Variants in ZNF891 observed in about 807,000 individuals in gnomAD.
ZNF891 encodes zinc finger protein 891.
For synonymous variants in ZNF891, 199 were observed against 209.0 expected (o/e 0.95, Z 0.41); for missense variants, 589 against 632.7 (o/e 0.93, Z 0.74).
In ZNF891 at chr12:133,117,477, A is replaced by G. The variant is rs970026841; in HGVS notation, c.*2807T>C. On this transcript the variant is annotated 3_prime_UTR_variant, in exon 2 of 2. Coordinates refer to ENST00000537226, the MANE Select transcript of ZNF891 (RefSeq NM_001277291.2). ...GTAAATAAATAAACAAGTAATTTAAACCAACCCACCCATTTTTCTACTCCT... is the reference window on the plus strand; with the variant it reads ...GTAAATAAATAAACAAGTAATTTAAGCCAACCCACCCATTTTTCTACTCCT... 6.6e-6 allele frequency: 1 copy of G among 152,204 alleles called. No homozygotes were observed. Among genetic ancestry groups the G allele is most frequent in the African/African-American group, 2.4e-5 (1 of 41,448 alleles). The allele number at this position is 152,204 out of a possible 1,614,324, so 9.4% of individuals were successfully genotyped here. A position where few individuals can be genotyped will look rare whatever the true frequency, so the allele number is the denominator to read the frequency against.
rs1195422382 is a variant in ZNF891, at chr12:133,120,293, TTCTC to T, written c.1622_1625del (p.Arg541LysfsTer34). 5.9e-6 allele frequency: 9 copies of T among 1,532,586 alleles called. No homozygotes were observed. The highest frequency in any genetic ancestry group is 1.4e-5 in the African/African-American group (1 of 72,732). 94.9% of individuals were successfully genotyped at this position (1,532,586 alleles called of 1,614,324 possible). ...TCCACATTCATAACACTTACAGGGTTTCTCTCTCAGTATGAATTCTCTTGTGTAT... is the reference window on the plus strand; with the variant it reads ...TCCACATTCATAACACTTACAGGGTTTCTCAGTATGAATTCTCTTGTGTAT... On this transcript the variant is annotated frameshift_variant, in exon 2 of 2. Coordinates refer to ENST00000537226, the MANE Select transcript of ZNF891 (RefSeq NM_001277291.2). LOFTEE classifies it high-confidence loss of function.
At chr12:133,126,235 C>A (rs935724472) in intron 1 of ZNF891, among the ~76,000 whole-genome samples, 5 of 151,900 alleles carry the variant, frequency 3.3e-5, no homozygotes, top group African/African-American at 1.2e-4. Context: ...TGCCTGAAAT[C>A]CCAGTACTGA....
Position 133,120,464 on chromosome 12 carries a change from C to CA in ZNF891, c.1454_1455insT (p.Glu485AspfsTer5). On this transcript the variant is annotated frameshift_variant, in exon 2 of 2. Transcript: ENST00000537226. LOFTEE classifies it low-confidence loss of function (END_TRUNC). ...TACATTCCTTACATTCATAGGGTTT[C>CA]TCTCCAGTGTGAGTTCTTATATGCA... The CA allele has an allele frequency of 6.2e-7, 1 of 1,604,610 alleles. No individual in the cohort carries two copies. The highest frequency in any genetic ancestry group is 8.5e-7 in the Non-Finnish European group (1 of 1,175,960).
chr12:133,121,624 C>T lies in ZNF891; in HGVS notation c.295G>A (p.Glu99Lys). 9 of 1,536,436 alleles carry T rather than the reference C, an allele frequency of 5.9e-6. No homozygotes were observed. Among genetic ancestry groups the T allele is most frequent in the Non-Finnish European group, 7.8e-6 (9 of 1,146,976 alleles). The change falls in exon 2 of 2, where the codon GAG becomes AAG. Residue 99 changes from glutamate (E) to lysine (K), a missense_variant. Glu to Lys is a moderately conservative substitution (Grantham distance 56, BLOSUM62 1). Transcript: ENST00000537226. Reference sequence around the variant, plus strand: ...ATTCTCTTTTTCATATTCCTTATCTCTTCTTGATCCAATGGGGAGATCACA... The same window carrying T: ...ATTCTCTTTTTCATATTCCTTATCTTTTCTTGATCCAATGGGGAGATCACA... ...LTVISPLDQE[E>K]IRNMKKRIPQ...
Position 133,112,549 on chromosome 12 carries a change from G to A in ZNF891, c.*7735C>T, listed in dbSNP as rs1955689511. 1 of 152,362 alleles carries A rather than the reference G, an allele frequency of 6.6e-6. No homozygotes were observed. Among genetic ancestry groups the A allele is most frequent in the Non-Finnish European group, 1.5e-5 (1 of 68,178 alleles). The allele number at this position is 152,362 out of a possible 1,614,324, so 9.4% of individuals were successfully genotyped here. On this transcript the variant is annotated 3_prime_UTR_variant, in exon 2 of 2. Coordinates refer to ENST00000537226, the MANE Select transcript of ZNF891 (RefSeq NM_001277291.2). ...TTGCCCAGGCTGGTCTTGAACTCTT[G>A]AGCTCAGGCAATCCACCCACCTCTG...
intron 1 of ZNF891, among the ~76,000 whole-genome samples, chr12:133,124,202 A>G (rs1167329071): frequency 6.6e-6 from 1 of 152,260 alleles, no homozygotes; most frequent in Non-Finnish European, 1.5e-5. Flanking sequence ...CATTTAGTAC[A>G]TAACAAAGAT....
In ZNF891 at chr12:133,123,992, T is replaced by G. The variant is rs1955790797; in HGVS notation, c.-106-1968A>C. On this transcript the variant is annotated intron_variant, in intron 1 of 1. Coordinates refer to ENST00000537226, the MANE Select transcript of ZNF891 (RefSeq NM_001277291.2). ...GATTTTGATTAATCTATGTATTTAA[T>G]AGGGATTTCCTGAAATGTAGCTTTT... 2.6e-5 allele frequency among the ~76,000 whole-genome samples: 4 copies of G among 152,192 alleles called. No individual in the cohort carries two copies. In the South Asian group the frequency reaches 8.3e-4, roughly 32 times the overall value.
Position 133,117,853 on chromosome 12 carries a change from C to T in ZNF891, c.*2431G>A, listed in dbSNP as rs1187559731. The T allele has an allele frequency of 1.3e-5, 2 of 152,036 alleles. No homozygotes were observed. Among genetic ancestry groups the T allele is most frequent in the African/African-American group, 4.8e-5 (2 of 41,380 alleles). 9.4% of individuals were successfully genotyped at this position (152,036 alleles called of 1,614,324 possible). ...ACTATGTTATTTCCAACTACAATCA[C>T]AAATGATCTTCACTTGGCTGTATAT... On this transcript the variant is annotated 3_prime_UTR_variant, in exon 2 of 2. Coordinates refer to ENST00000537226, the MANE Select transcript of ZNF891 (RefSeq NM_001277291.2).
Position 133,121,104 on chromosome 12 carries a change from T to C in ZNF891, c.815A>G (p.His272Arg), listed in dbSNP as rs779601530. 105 of 1,535,428 alleles carry C rather than the reference T, an allele frequency of 6.8e-5. No homozygotes were observed. The highest frequency in any genetic ancestry group is 9.1e-5 in the Non-Finnish European group (104 of 1,146,820). The change falls in exon 2 of 2, where the codon CAT (histidine) becomes CGT (arginine). Residue 272 changes from histidine (H) to arginine (R), a missense_variant. His to Arg is a conservative substitution (Grantham distance 29, BLOSUM62 0). Coordinates refer to ENST00000537226, the MANE Select transcript of ZNF891 (RefSeq NM_001277291.2). ...CATATTATGTGTGAAGTGCATTCCA[T>C]GTTTAGAATATGTGTACTCTTTTTG... ...TVQKEYTYSKHGMHFTHNMFP... is the reference protein window; with the variant it reads ...TVQKEYTYSKRGMHFTHNMFP...
In ZNF891 at chr12:133,121,487, T is replaced by TTTG; in HGVS notation, c.431_432insCAA (p.Thr144_Met145insLys). 1 of 1,536,202 alleles carries TTTG rather than the reference T, an allele frequency of 6.5e-7. No homozygotes were observed. The highest frequency in any genetic ancestry group is 2.4e-5 in the East Asian group (1 of 40,906). On this transcript the variant is annotated inframe_insertion, in exon 2 of 2. Transcript: ENST00000537226. ...TTAATGTGGAGGACCAATTATGCAT[T>TTTG]GTGAGTTTTATCATTTTCACTGCAT... is the stretch of plus-strand genomic sequence containing the variant.
At chr12:133,129,401 TGA>T (rs1261310140) in intron 1 of ZNF891, among the ~76,000 whole-genome samples, 1 of 150,260 alleles carries the variant, frequency 6.7e-6, no homozygotes. Flanking sequence ...CTCACAAGAC[TGA>T]GGCAGAAGAA....
rs1034921771 is a variant in ZNF891, at chr12:133,105,229, G to A, written c.*15055C>T. On this transcript the variant is annotated 3_prime_UTR_variant, in exon 2 of 2. Coordinates refer to ENST00000537226, the MANE Select transcript of ZNF891 (RefSeq NM_001277291.2). ...ATACCGTTTAAATGGTGGTGAAGAA[G>A]ACTAGCAACCTATCCTTCACAAATA... Among the ~76,000 whole-genome samples, 1 of 152,134 alleles carries A rather than the reference G, an allele frequency of 6.6e-6. No homozygotes were observed. Among genetic ancestry groups the A allele is most frequent in the Admixed American group, 6.5e-5 (1 of 15,272 alleles).
In ZNF891 at chr12:133,105,938, G is replaced by T; in HGVS notation, c.*14346C>A. 1 of 1,614,098 alleles carries T rather than the reference G, an allele frequency of 6.2e-7. No homozygotes were observed. The highest frequency in any genetic ancestry group is 1.1e-5 in the South Asian group (1 of 91,052). ...TGGAAAGAAACCCCATGAGTGTAAG[G>T]ACTGTAATAAAACATTCAGTTACCT... is the stretch of plus-strand genomic sequence containing the variant. On this transcript the variant is annotated 3_prime_UTR_variant, in exon 2 of 2. Coordinates refer to ENST00000537226, the MANE Select transcript of ZNF891 (RefSeq NM_001277291.2).
Position 133,108,071 on chromosome 12 carries a change from TAC to T in ZNF891, c.*12211_*12212del, listed in dbSNP as rs545054956. ...GCCATTGGCATGCCATATTGGTACA[TAC>T]ATTTAGAAGCTTCTCAAGTTTCCAT... On this transcript the variant is annotated 3_prime_UTR_variant, in exon 2 of 2. Transcript: ENST00000537226. 47 of 152,318 alleles carry T rather than the reference TAC, an allele frequency of 3.1e-4. No individual in the cohort carries two copies. Among genetic ancestry groups the T allele is most frequent in the African/African-American group, 1.1e-3 (44 of 41,576 alleles). The allele number at this position is 152,318 out of a possible 1,614,324, so 9.4% of individuals were successfully genotyped here. A position where few individuals can be genotyped will look rare whatever the true frequency, so the allele number is the denominator to read the frequency against.
chr12:133,120,443 T>C lies in ZNF891; in HGVS notation c.1476A>G (p.Glu492=), dbSNP rs1453936924. 1 of 1,605,188 alleles carries C rather than the reference T, an allele frequency of 6.2e-7. No homozygotes were observed. Among genetic ancestry groups the C allele is most frequent in the Non-Finnish European group, 8.5e-7 (1 of 1,176,254 alleles). ...AGGAAACACTGAAGGCTTTCCTACA[T>C]TCCTTACATTCATAGGGTTTCTCTC... The part of the protein sequence containing the change: ...HTGEKPYECK[E]CRKAFSVSSS... Residue 492 remains glutamate, a synonymous_variant, in exon 2 of 2, where the codon GAA becomes GAG. Transcript: ENST00000537226.
In ZNF891 at chr12:133,118,378, TACTC is replaced by T. The variant is rs1452813860; in HGVS notation, c.*1902_*1905del. ...GTGGCAGACCTTCCCTTTTCATTCT[TACTC>T]ACCTTCCAAAGCCTGTTATTGTCTC... On this transcript the variant is annotated 3_prime_UTR_variant, in exon 2 of 2. Transcript: ENST00000537226. 4 of 152,244 alleles carry T rather than the reference TACTC, an allele frequency of 2.6e-5. No homozygotes were observed. Among genetic ancestry groups the T allele is most frequent in the Non-Finnish European group, 5.9e-5 (4 of 68,092 alleles). The allele number at this position is 152,244 out of a possible 1,614,324, so 9.4% of individuals were successfully genotyped here.
rs1382052558 is a variant in ZNF891 at position 133,121,531 on chromosome 12, A to G, written c.388T>C (p.Leu130=). The change falls in exon 2 of 2, where the codon TTG becomes CTG. Residue 130 remains leucine, a synonymous_variant. Transcript: ENST00000537226. ...ACTGCATTGGATGGTTCCTCCCACA[A>G]AATTTTCTGCACAGTTGATTCTTTG... is the stretch of plus-strand genomic sequence containing the variant. The part of the protein sequence containing the change: ...KTKESTVQKI[L]WEEPSNAVKM... 23 of 1,536,280 alleles carry G rather than the reference A, an allele frequency of 1.5e-5. No homozygotes were observed. In the Admixed American group the frequency reaches 3.9e-4, roughly 26 times the overall value.
Position 133,109,820 on chromosome 12 carries a change from T to C in ZNF891, c.*10464A>G, listed in dbSNP as rs1955668356. On this transcript the variant is annotated 3_prime_UTR_variant, in exon 2 of 2. Transcript: ENST00000537226. ...TCAGGTGTTGGGAAATTATGGTCTA[T>C]GGACCAAATCAAGGCCTTTGAGCTA... The C allele has an allele frequency of 6.6e-6, 1 of 152,254 alleles. No individual in the cohort carries two copies. The highest frequency in any genetic ancestry group is 6.5e-5 in the Admixed American group (1 of 15,288). 9.4% of individuals were successfully genotyped at this position (152,254 alleles called of 1,614,324 possible).
intron 1 of ZNF891, among the ~76,000 whole-genome samples, chr12:133,126,471 C>A (rs547443564): frequency 0.012 from 841 of 68,282 alleles, 12 homozygotes; most frequent in African/African-American, 0.036. Context: ...GAGACTCCGT[C>A]TCAAAAAAAA....
Sources: gnomAD v4.1 joint callset for allele counts (sites outside exome capture counted in the v4.1 genomes callset) on GRCh38, gnomAD v4.1.1 for gene constraint, MANE v1.5 for transcripts, NCBI Gene and HGNC (gene_info 2026-07-23, HGNC 2026-07-21) for gene names.